The following ELOVL2 variants were observed in gnomAD, a reference collection of about 807,000 sequenced individuals.
ELOVL2 encodes ELOVL fatty acid elongase 2, also known as very long chain fatty acid elongase 2.
ELOVL2 carries 38 observed loss-of-function variants against 37.7 expected under a neutral mutation model. That is an observed-to-expected ratio of 1.01 (90% CI 0.78 to 1.32). The LOEUF (loss-of-function observed/expected upper bound fraction) is 1.32, where lower values mean the gene tolerates loss of function less well. Among genes scored for constraint, ELOVL2 ranks in the 40% most tolerant of loss-of-function variants. The pLI is 0.00. For missense variants in ELOVL2, 352 were observed against 363.6 expected (o/e 0.97, Z 0.26); for synonymous variants, 115 against 122.3 (o/e 0.94, Z 0.40).
Position 10,981,109 on chromosome 6 carries a change from G to A in ELOVL2, c.*2672C>T, listed in dbSNP as rs1158610946. On this transcript the variant is annotated 3_prime_UTR_variant, in exon 8 of 8. Transcript: ENST00000354666. ...ACCCCGTAACATGCCTAAGTGGTTC[G>A]ATATATAATTTTGATGGCTTGACAA... 2 of 152,130 alleles carry A rather than the reference G, an allele frequency of 1.3e-5. No homozygotes were observed. The highest frequency in any genetic ancestry group is 2.9e-5 in the Non-Finnish European group (2 of 68,020). 9.4% of individuals were successfully genotyped at this position (152,130 alleles called of 1,614,324 possible). A position where few individuals can be genotyped will look rare whatever the true frequency, so the allele number is the denominator to read the frequency against.
At chr6:11,037,127 A>G (rs1335840832) in intron 1 of ELOVL2, among the ~76,000 whole-genome samples, 1 of 146,180 alleles carries the variant, frequency 6.8e-6, no homozygotes, top group Non-Finnish European at 1.5e-5. Context: ...AAGGAGAGAG[A>G]CAGAGAGGGA....
chr6:10,986,797 G>A (rs982439809), intron 7 of ELOVL2, among the ~76,000 whole-genome samples: 3 of 152,112 alleles, frequency 2.0e-5, no homozygotes, highest in Non-Finnish European at 4.4e-5. Context: ...CAAGGATATT[G>A]GTCTAAAATT....
chr6:11,035,739 TG>T (rs1266583319), intron 1 of ELOVL2, among the ~76,000 whole-genome samples: 1 of 152,106 alleles, frequency 6.6e-6, no homozygotes, highest in Non-Finnish European at 1.5e-5. Flanking sequence ...GCACATTTAC[TG>T]GACTGAGTGG....
intron 3 of ELOVL2, among the ~76,000 whole-genome samples, chr6:11,005,145 C>T (rs772551527): frequency 4.0e-5 from 6 of 150,550 alleles, no homozygotes; most frequent in African/African-American, 9.8e-5. Flanking sequence ...GATGATAGAG[C>T]GAGACTCCAT....
intron 7 of ELOVL2, among the ~76,000 whole-genome samples, chr6:10,988,804 G>A (rs144394884): frequency 2.3e-3 from 356 of 152,174 alleles, no homozygotes; most frequent in African/African-American, 7.9e-3. Context: ...GCTTTCATCC[G>A]TTCTTGTACA....
At chr6:11,021,175 T>C (rs1324194817) in intron 1 of ELOVL2, among the ~76,000 whole-genome samples, 1 of 152,250 alleles carries the variant, frequency 6.6e-6, no homozygotes, top group Non-Finnish European at 1.5e-5. Context: ...GTTCCAGGCA[T>C]ATCTAATTAC....
At chr6:10,999,542 A>G (rs1782338135) in intron 4 of ELOVL2, among the ~76,000 whole-genome samples, 1 of 151,834 alleles carries the variant, frequency 6.6e-6, no homozygotes, top group African/African-American at 2.4e-5. Context: ...TGCCTGGCTA[A>G]TTTTTGTATT....
chr6:11,018,773 C>A (rs971125023), intron 1 of ELOVL2, among the ~76,000 whole-genome samples: 6 of 152,044 alleles, frequency 3.9e-5, no homozygotes, highest in Non-Finnish European at 5.9e-5. Context: ...ACAAAAATAC[C>A]AAGTCCTTGC....
At chr6:11,021,626 A>G (rs1159600189) in intron 1 of ELOVL2, among the ~76,000 whole-genome samples, 1 of 152,252 alleles carries the variant, frequency 6.6e-6, no homozygotes, top group Non-Finnish European at 1.5e-5. Flanking sequence ...TACTAAAAAT[A>G]TACACACCAT....
intron 1 of ELOVL2, among the ~76,000 whole-genome samples, chr6:11,023,482 T>C (rs548976523): frequency 3.7e-4 from 56 of 152,368 alleles, no homozygotes; most frequent in African/African-American, 1.3e-3. Flanking sequence ...TATTTCTATA[T>C]ATTTTGAAAA....
chr6:11,034,784 C>T (rs145665484), intron 1 of ELOVL2, among the ~76,000 whole-genome samples: 2,479 of 152,176 alleles, frequency 0.016, 60 homozygotes, highest in African/African-American at 0.056. Context: ...GGGTGGATCA[C>T]CTGAGGTCCG....
rs531584410 is a variant in ELOVL2, at chr6:11,002,223, A to G, written c.256-2059T>C. The stretch of plus-strand genomic sequence containing the variant: ...ACTGTGTCATTCAGTCTCAACTCCA[A>G]TGTCACCTTTTCAGAGGCTGCCCCA... On this transcript the variant is annotated intron_variant, in intron 3 of 7. Coordinates refer to ENST00000354666, the MANE Select transcript of ELOVL2 (RefSeq NM_017770.4). Among the ~76,000 whole-genome samples the G allele has an allele frequency of 3.3e-5, 5 of 152,222 alleles. No individual in the cohort carries two copies. The East Asian group carries it at 7.7e-4, about 24-fold the overall frequency.
At chr6:11,043,692 C>A (rs1783150498) in intron 1 of ELOVL2, 3 of 154,502 alleles carry the variant, frequency 1.9e-5, no homozygotes, top group African/African-American at 4.8e-5. Context: ...GGGGTGCAGG[C>A]GCGGTGAAGG....
chr6:10,995,975 T>C (rs1782261629), intron 4 of ELOVL2, among the ~76,000 whole-genome samples: 1 of 152,192 alleles, frequency 6.6e-6, no homozygotes, highest in African/African-American at 2.4e-5. Flanking sequence ...TTTCCTCAGA[T>C]GACTAGATTA....
chr6:11,008,019 T>G (rs1286061721), intron 2 of ELOVL2, among the ~76,000 whole-genome samples: 2 of 152,220 alleles, frequency 1.3e-5, no homozygotes, highest in African/African-American at 4.8e-5. Flanking sequence ...GTGTTAGCTC[T>G]TCCTCTGAGT....
intron 5 of ELOVL2, among the ~76,000 whole-genome samples, chr6:10,994,430 T>C (rs1204363359): frequency 6.8e-6 from 1 of 146,380 alleles, no homozygotes; most frequent in African/African-American, 2.5e-5. Flanking sequence ...ATCGCGCCAC[T>C]GCACTCCAGC....
intron 1 of ELOVL2, among the ~76,000 whole-genome samples, chr6:11,028,707 A>T (rs1206195312): frequency 6.6e-6 from 1 of 151,980 alleles, no homozygotes; most frequent in Admixed American, 6.6e-5. Context: ...TAATAATAGT[A>T]ATATATTTAT....
In ELOVL2 at chr6:10,985,960, T is replaced by C. The variant is rs1285238385; in HGVS notation, c.766-2054A>G. On this transcript the variant is annotated intron_variant, in intron 7 of 7. Coordinates refer to ENST00000354666, the MANE Select transcript of ELOVL2 (RefSeq NM_017770.4). ...GGGCAGTATGGCCATTTTCACGATA[T>C]TGATTCTTCCTACCCATGAGCATGG... Among the ~76,000 whole-genome samples the C allele has an allele frequency of 9.1e-4, 139 of 152,326 alleles. 1 individual carries two copies. The highest frequency in any genetic ancestry group is 1.2e-4 in the Non-Finnish European group (8 of 68,038).
chr6:11,021,218 G>A (rs1355113482), intron 1 of ELOVL2, among the ~76,000 whole-genome samples: 6 of 152,086 alleles, frequency 3.9e-5, no homozygotes, highest in Non-Finnish European at 8.8e-5. Context: ...TGTTCTCTCC[G>A]CATGTGCCAC....
Sources: gnomAD v4.1 joint callset for allele counts (sites outside exome capture counted in the v4.1 genomes callset) on GRCh38, gnomAD v4.1.1 for gene constraint, MANE v1.5 for transcripts, NCBI Gene and HGNC (gene_info 2026-07-23, HGNC 2026-07-21) for gene names.